STK32C: variants seen among roughly 807,000 people sequenced by gnomAD.
STK32C encodes the protein serine/threonine kinase 32C.
A neutral mutation model predicts 56.5 loss-of-function variants in STK32C; 31 were observed. That is an observed-to-expected ratio of 0.55 (90% CI 0.41 to 0.74). The LOEUF (loss-of-function observed/expected upper bound fraction) is 0.74. Ranked by LOEUF, STK32C falls within the 30% of genes least tolerant of loss-of-function variation. The pLI, the probability that STK32C is intolerant of heterozygous loss-of-function variation, is 0.00. For synonymous variants in STK32C, 309 were observed against 289.4 expected, an observed-to-expected ratio of 1.07 and a Z score of -0.69; for missense variants, 544 against 676.9, an observed-to-expected ratio of 0.80 and a Z score of 2.18.
At chr10:132,241,140 T>C (rs1239465409) in intron 2 of STK32C, among the ~76,000 whole-genome samples, 2 of 152,194 alleles carry the variant, frequency 1.3e-5, no homozygotes, top group Non-Finnish European at 2.9e-5. Context: ...AGCCACAGCT[T>C]GGCAAAGCCA....
chr10:132,246,088 C>T (rs978074254), intron 1 of STK32C, 133 bp from the exon 2 acceptor site: 25 of 882,696 alleles, frequency 2.8e-5, no homozygotes, highest in Middle Eastern at 2.6e-4. Flanking sequence ...CGCCGTGGGG[C>T]GGGCCAAACT....
intron 2 of STK32C, among the ~76,000 whole-genome samples, chr10:132,234,634 C>A (rs1189524510): frequency 6.6e-6 from 1 of 152,254 alleles, no homozygotes; most frequent in African/African-American, 2.4e-5. Context: ...AGGGCTCTCC[C>A]CCTCCTGCTT....
chr10:132,279,536 G>A (rs530698531), intron 1 of STK32C, among the ~76,000 whole-genome samples: 1 of 152,130 alleles, frequency 6.6e-6, no homozygotes, highest in East Asian at 1.9e-4. Flanking sequence ...GTGGCAGGGG[G>A]ATGGCCAGAG....
chr10:132,298,772 T>C (rs567560958), intron 1 of STK32C, among the ~76,000 whole-genome samples: 1 of 152,116 alleles, frequency 6.6e-6, no homozygotes, highest in African/African-American at 2.4e-5. Flanking sequence ...AACAGAGGCC[T>C]CCATCCAGGA....
At position 132,225,841 on chromosome 10, in the gene STK32C, G is replaced by C. The variant is rs368766142; in HGVS notation, c.645-57C>G. ...GGGAATCTGCCCTGTTTCTGCCCTG[G>C]AATCTCTGTCACAATCCCTGGAGTC... is the stretch of plus-strand genomic sequence containing the variant. On this transcript the variant is annotated intron_variant, in intron 4 of 11. Coordinates refer to ENST00000298630, the MANE Select transcript of STK32C (RefSeq NM_173575.4). The C allele has an allele frequency of 1.3e-3, 2,015 of 1,608,722 alleles. 11 individuals are homozygous for C. The highest frequency in any genetic ancestry group is 9.0e-4 in the Non-Finnish European group (1,063 of 1,176,990).
chr10:132,230,315 C>T (rs887346077), intron 2 of STK32C, among the ~76,000 whole-genome samples: 2 of 152,250 alleles, frequency 1.3e-5, no homozygotes, highest in African/African-American at 4.8e-5. Context: ...CCACTGCCAA[C>T]GGGGCAGAGT....
chr10:132,313,223 A>AATT (rs2066252991), intron 1 of STK32C, among the ~76,000 whole-genome samples: 1 of 152,170 alleles, frequency 6.6e-6, no homozygotes, highest in African/African-American at 2.4e-5. Flanking sequence ...TAAGATACCA[A>AATT]ATTATAAACA....
At chr10:132,233,967 C>T (rs1156598727) in intron 2 of STK32C, among the ~76,000 whole-genome samples, 5 of 152,218 alleles carry the variant, frequency 3.3e-5, no homozygotes, top group African/African-American at 1.2e-4. Context: ...GAGTCCTCGC[C>T]ACTGTGGAAC....
intron 1 of STK32C, among the ~76,000 whole-genome samples, chr10:132,330,815 A>C (rs955459547): frequency 4.9e-4 from 74 of 151,570 alleles, no homozygotes; most frequent in Non-Finnish European, 9.7e-4. Flanking sequence ...CGGCCTAAAA[A>C]ACATTTCTTA....
intron 2 of STK32C, among the ~76,000 whole-genome samples, chr10:132,237,179 TGTGCTCCCTGG>T (rs2063324105): frequency 1.4e-4 from 7 of 51,642 alleles, no homozygotes; most frequent in Admixed American, 9.3e-4. Flanking sequence ...ACTCCCTGAC[TGTGCTCCCTGG>T]ACTGTGCTCC....
Position 132,222,778 on chromosome 10 carries a change from G to A in STK32C, c.1120-6C>T. 1 of 1,598,710 alleles carries A rather than the reference G, an allele frequency of 6.3e-7. No individual in the cohort carries two copies. Among genetic ancestry groups the A allele is most frequent in the Non-Finnish European group, 8.5e-7 (1 of 1,173,020 alleles). ...TCGCAGTGCAGACGGCCTTTCTACA[G>A]AGGGATGGGTGCTGAGCCCCGGCCC... On this transcript the variant is annotated splice_polypyrimidine_tract_variant and splice_region_variant and intron_variant, in intron 9 of 11. Coordinates refer to ENST00000298630, the MANE Select transcript of STK32C (RefSeq NM_173575.4).
At chr10:132,276,124 T>C (rs763455610) in intron 1 of STK32C, among the ~76,000 whole-genome samples, 26 of 152,182 alleles carry the variant, frequency 1.7e-4, no homozygotes, top group Non-Finnish European at 3.1e-4. Context: ...GCCCAGCTTT[T>C]GGACCAGCTT....
intron 10 of STK32C, among the ~76,000 whole-genome samples, chr10:132,217,792 T>C (rs928623052): frequency 2.6e-5 from 4 of 152,152 alleles, no homozygotes; most frequent in Non-Finnish European, 5.9e-5. Flanking sequence ...AAGATGTGAC[T>C]TTCTCCTCCT....
downstream of STK32C, among the ~76,000 whole-genome samples, chr10:132,319,821 C>T (rs2066370141): frequency 6.6e-6 from 1 of 151,368 alleles, no homozygotes; most frequent in East Asian, 1.9e-4. Flanking sequence ...TTTTTTTTTC[C>T]CCTTCCTTTT....
rs112234821 is a variant in STK32C at position 132,215,406 on chromosome 10, C to T, written c.1252-6305G>A. ...CAATTCCCGTGTGTCATGGGAGGAA[C>T]CCAGTGGGAGGTGATTGAATTATGG... On this transcript the variant is annotated intron_variant, in intron 10 of 11. Transcript: ENST00000298630. Among the ~76,000 whole-genome samples the T allele has an allele frequency of 4.8e-3, 723 of 152,186 alleles. 6 individuals are homozygous for T. The highest frequency in any genetic ancestry group is 0.017 in the African/African-American group (686 of 41,502).
chr10:132,331,930 A>G, upstream of STK32C: 2 of 549,072 alleles, frequency 3.6e-6, no homozygotes, highest in Non-Finnish European at 5.5e-6. Flanking sequence ...CCCCACCGCA[A>G]GCGCAACCCC....
chr10:132,298,209 G>GT (rs756839314), intron 1 of STK32C, among the ~76,000 whole-genome samples: 3 of 152,226 alleles, frequency 2.0e-5, no homozygotes, highest in Non-Finnish European at 4.4e-5. Context: ...ACTTCACCCT[G>GT]TGTGGTCCCT....
chr10:132,252,886 G>C (rs1316501340), intron 1 of STK32C, among the ~76,000 whole-genome samples: 1 of 152,184 alleles, frequency 6.6e-6, no homozygotes, highest in African/African-American at 2.4e-5. Flanking sequence ...CCTCCTCCCA[G>C]GTCACTCTGG....
intron 2 of STK32C, among the ~76,000 whole-genome samples, chr10:132,236,412 G>C (rs2063296630): frequency 6.6e-6 from 1 of 152,246 alleles, no homozygotes; most frequent in Non-Finnish European, 1.5e-5. Context: ...TGAGGAAGCT[G>C]AGGCTGGGTG....
Sources: allele counts gnomAD v4.1 joint callset (sites outside exome capture counted in the v4.1 genomes callset), GRCh38; gene constraint gnomAD v4.1.1; transcripts MANE v1.5; gene names NCBI Gene and HGNC (gene_info 2026-07-23, HGNC 2026-07-21).